TRPC5OS: variants seen among roughly 807,000 people sequenced by gnomAD.
TRPC5OS encodes putative uncharacterized protein TRPC5OS.
For synonymous variants in TRPC5OS, 30 were observed against 29.3 expected (o/e 1.02, Z -0.08); for missense variants, 64 against 79.3 (o/e 0.81, Z 0.73).
chrX:111,901,896 G>T lies in TRPC5OS; in HGVS notation c.47G>T (p.Cys16Phe). ...GTACTCATTGATGGACTTGTTGCTT[G>T]TGTAGCCCAGTTAATAAGAATAGCT... ...IHVLIDGLVA[C>F]VAQLIRIADE... Residue 16 changes from cysteine to phenylalanine, a missense_variant, in exon 4 of 4, where the codon TGT becomes TTT. Transcript: ENST00000635763. 1 of 1,153,071 alleles carries T rather than the reference G, an allele frequency of 8.7e-7. No individual in the cohort carries two copies. The highest frequency in any genetic ancestry group is 1.1e-6 in the Non-Finnish European group (1 of 871,508).
chrX:111,903,095 C>A lies in TRPC5OS; in HGVS notation c.*910C>A, dbSNP rs776948597. The A allele has an allele frequency of 1.4e-4, 16 of 111,489 alleles. No individual in the cohort carries two copies. The highest frequency in any genetic ancestry group is 2.9e-4 in the Admixed American group (3 of 10,477). The allele number at this position is 111,489 out of a possible 1,213,427, so 9.2% of individuals were successfully genotyped here. A position where few individuals can be genotyped will look rare whatever the true frequency, so the allele number is the denominator to read the frequency against. On this transcript the variant is annotated 3_prime_UTR_variant, in exon 4 of 4. Coordinates refer to ENST00000635763, the MANE Select transcript of TRPC5OS (RefSeq NM_001195578.2). The stretch of plus-strand genomic sequence containing the variant: ...GTGGAGCTGGCTGGACCCTTGTTTT[C>A]CTGGGTCACCTGAACAGATTGTACT...
At chrX:111,886,252 C>A (rs1031362979) in intron 1 of TRPC5OS, among the ~76,000 whole-genome samples, 6 of 112,381 alleles carry the variant, frequency 5.3e-5, no homozygotes, top group Non-Finnish European at 1.1e-4. Flanking sequence ...TGCACTCCAG[C>A]CTGGGCGACA....
At chrX:111,884,309 G>A (rs898719744) in intron 1 of TRPC5OS, among the ~76,000 whole-genome samples, 1 of 112,462 alleles carries the variant, frequency 8.9e-6, no homozygotes, top group Non-Finnish European at 1.9e-5. Context: ...CCCAGTTTAG[G>A]CCTAAATCTA....
At chrX:111,876,854 C>T (rs1923973008) in intron 1 of TRPC5OS, among the ~76,000 whole-genome samples, 2 of 111,550 alleles carry the variant, frequency 1.8e-5, no homozygotes, top group South Asian at 7.7e-4. Context: ...TTGATTTTCC[C>T]TTTCACTTAG....
intron 1 of TRPC5OS, among the ~76,000 whole-genome samples, chrX:111,886,237 G>A (rs2148603329): frequency 8.9e-6 from 1 of 112,406 alleles, no homozygotes; most frequent in African/African-American, 3.2e-5. Flanking sequence ...CCAAGATCAT[G>A]CCATTGCACT....
At chrX:111,891,381 A>AT (rs766510573) in intron 1 of TRPC5OS, among the ~76,000 whole-genome samples, 114 of 111,203 alleles carry the variant, frequency 1.0e-3, no homozygotes, top group African/African-American at 2.6e-3. Context: ...AGCATCTGTT[A>AT]TTTTTTGACT....
chrX:111,879,785 TG>T (rs1924118836), intron 1 of TRPC5OS, among the ~76,000 whole-genome samples: 2 of 112,721 alleles, frequency 1.8e-5, no homozygotes, highest in African/African-American at 6.4e-5. Context: ...GGTTAAATCA[TG>T]CCAGGGGCAT....
chrX:111,894,286 A>T (rs895443010), intron 1 of TRPC5OS, among the ~76,000 whole-genome samples: 9 of 111,947 alleles, frequency 8.0e-5, no homozygotes, highest in African/African-American at 2.9e-4. Context: ...TTAGACACTT[A>T]TTGCCAGTTT....
At chrX:111,889,869 T>G (rs1924717672) in intron 1 of TRPC5OS, among the ~76,000 whole-genome samples, 1 of 111,985 alleles carries the variant, frequency 8.9e-6, no homozygotes, top group Non-Finnish European at 1.9e-5. Context: ...AAGGTGATTT[T>G]AATGTTCAGC....
chrX:111,896,554 G>T (rs1031014382), intron 3 of TRPC5OS, 59 bp downstream of exon 3: 2 of 110,912 alleles, frequency 1.8e-5, no homozygotes, highest in Non-Finnish European at 3.8e-5. Context: ...ATAGGTAATG[G>T]ATATATCCCT....
chrX:111,903,565 A>G lies in TRPC5OS; in HGVS notation c.*1380A>G, dbSNP rs1048457658. The G allele has an allele frequency of 8.9e-5, 10 of 112,537 alleles. No individual in the cohort carries two copies. 9.3% of individuals were successfully genotyped at this position (112,537 alleles called of 1,213,427 possible). A position where few individuals can be genotyped will look rare whatever the true frequency, so the allele number is the denominator to read the frequency against. ...TAGATGGAGAATTATTAACTAGTTTAGTCCACTGACTGGATATCGCTGATT... is the reference window on the plus strand; with the variant it reads ...TAGATGGAGAATTATTAACTAGTTTGGTCCACTGACTGGATATCGCTGATT... On this transcript the variant is annotated 3_prime_UTR_variant, in exon 4 of 4. Transcript: ENST00000635763.
chrX:111,885,989 T>C (rs992157914), intron 1 of TRPC5OS, among the ~76,000 whole-genome samples: 1 of 111,740 alleles, frequency 8.9e-6, no homozygotes, highest in Non-Finnish European at 1.9e-5. Flanking sequence ...AAAAATAATG[T>C]TTTTTTTCTG....
intron 1 of TRPC5OS, among the ~76,000 whole-genome samples, chrX:111,882,430 A>C (rs1924270489): frequency 8.9e-6 from 1 of 112,454 alleles, no homozygotes; most frequent in South Asian, 3.7e-4. Flanking sequence ...GGCAGATACA[A>C]ACTGGAGGAG....
intron 1 of TRPC5OS, among the ~76,000 whole-genome samples, chrX:111,881,688 T>A (rs1172435271): frequency 9.0e-6 from 1 of 110,830 alleles, no homozygotes; most frequent in Non-Finnish European, 1.9e-5. Context: ...CTATAAGCAG[T>A]CTGTTTCCTG....
intron 1 of TRPC5OS, among the ~76,000 whole-genome samples, chrX:111,881,533 T>A (rs776972122): frequency 2.7e-5 from 3 of 111,647 alleles, no homozygotes; most frequent in Non-Finnish European, 5.6e-5. Context: ...CTAGAAGAAG[T>A]TGCACAGACC....
At chrX:111,882,608 T>C (rs961250748) in intron 1 of TRPC5OS, among the ~76,000 whole-genome samples, 1 of 113,160 alleles carries the variant, frequency 8.8e-6, no homozygotes, top group African/African-American at 3.2e-5. Context: ...TTAAGCATAG[T>C]TAAGCTCTAG....
At chrX:111,900,553 C>A (rs751279986) in intron 3 of TRPC5OS, among the ~76,000 whole-genome samples, 1 of 111,403 alleles carries the variant, frequency 9.0e-6, no homozygotes, top group South Asian at 3.8e-4. Flanking sequence ...GCAGAATAAT[C>A]TATTTGGAAT....
At position 111,901,779 on chromosome X, in the gene TRPC5OS, T is replaced by C; in HGVS notation, c.-71T>C. On this transcript the variant is annotated 5_prime_UTR_variant, in exon 4 of 4. Transcript: ENST00000635763. ...GAACCATTGTTAGCCCCTTATACTA[T>C]CCATTGTCACCAAGAGTCCATTTGC... is the stretch of plus-strand genomic sequence containing the variant. 2.3e-6 allele frequency: 2 copies of C among 856,997 alleles called. No homozygotes were observed. The highest frequency in any genetic ancestry group is 2.0e-5 in the African/African-American group (1 of 49,159). 70.6% of individuals were successfully genotyped at this position (856,997 alleles called of 1,213,427 possible). A position where few individuals can be genotyped will look rare whatever the true frequency, so the allele number is the denominator to read the frequency against.
chrX:111,889,502 T>A (rs1003196476), intron 1 of TRPC5OS, among the ~76,000 whole-genome samples: 1 of 112,286 alleles, frequency 8.9e-6, no homozygotes, highest in African/African-American at 3.2e-5. Context: ...TTGAACAGCA[T>A]GCTGGTTTAG....
Sources: allele counts gnomAD v4.1 joint callset (sites outside exome capture counted in the v4.1 genomes callset), GRCh38; gene constraint gnomAD v4.1.1; transcripts MANE v1.5; gene names NCBI Gene and HGNC (gene_info 2026-07-23, HGNC 2026-07-21).